The following GSDMC variants were observed in gnomAD, a reference collection of about 807,000 sequenced individuals.
GSDMC encodes gasdermin C.
In GSDMC, 59 loss-of-function variants were observed where a neutral mutation model predicts 58.0. The observed-to-expected ratio is 1.02, with a 90% CI of 0.82 to 1.26. The LOEUF (loss-of-function observed/expected upper bound fraction) is 1.26, where lower values mean the gene tolerates loss of function less well. Ranked by LOEUF, GSDMC falls within the 50% of genes most tolerant of loss-of-function variation. GSDMC has a pLI of 0.00. For missense variants in GSDMC, 659 were observed against 598.5 expected, an observed-to-expected ratio of 1.10 and a Z score of -1.06; for synonymous variants, 241 against 220.2, an observed-to-expected ratio of 1.09 and a Z score of -0.83.
At chr8:129,742,761 A>G in the GSDMC span, among the ~76,000 whole-genome samples, 2 of 152,288 alleles carry the variant, frequency 1.3e-5, no homozygotes, top group Non-Finnish European at 2.9e-5. Flanking sequence ...ACTGCTGTCC[A>G]ATTACTTGAA....
At chr8:129,713,372 A>G in the GSDMC span, among the ~76,000 whole-genome samples, 3 of 149,838 alleles carry the variant, frequency 2.0e-5, no homozygotes, top group Non-Finnish European at 2.9e-5. Flanking sequence ...AGGAAGGGAC[A>G]GTCCCAGCCA....
At chr8:129,737,550 CT>C in the GSDMC span, among the ~76,000 whole-genome samples, 1 of 152,198 alleles carries the variant, frequency 6.6e-6, no homozygotes, top group South Asian at 2.1e-4. Flanking sequence ...AAAGAATTCT[CT>C]ATTTAATAAA....
At chr8:129,762,890 A>G (rs755851725) in intron 4 of GSDMC, among the ~76,000 whole-genome samples, 159 bp from the exon 5 acceptor site, 1 of 151,930 alleles carries the variant, frequency 6.6e-6, no homozygotes, top group East Asian at 1.9e-4. Flanking sequence ...TCCTTATTTC[A>G]TCCTGTGCTC....
the GSDMC span, among the ~76,000 whole-genome samples, chr8:129,715,361 T>C: frequency 1.3e-5 from 2 of 152,110 alleles, no homozygotes; most frequent in African/African-American, 4.8e-5. Context: ...GACTCTGTAA[T>C]ATAGGAACAC....
chr8:129,758,067 C>A (rs928505015), intron 6 of GSDMC, among the ~76,000 whole-genome samples: 13 of 152,096 alleles, frequency 8.5e-5, no homozygotes, highest in African/African-American at 3.1e-4. Flanking sequence ...TCAACATACA[C>A]AAATCAATCA....
chr8:129,760,424 A>T, intron 6 of GSDMC, 121 bp downstream of exon 6: 1 of 552,746 alleles, frequency 1.8e-6, no homozygotes, highest in Non-Finnish European at 3.2e-6. Flanking sequence ...TCCATTTTCC[A>T]TTATGTGATT....
chr8:129,739,121 C>A, the GSDMC span, among the ~76,000 whole-genome samples: 1 of 152,022 alleles, frequency 6.6e-6, no homozygotes, highest in Non-Finnish European at 1.5e-5. Flanking sequence ...TGCTGAAGAC[C>A]TGAAGGAAGT....
chr8:129,720,621 G>C, the GSDMC span, among the ~76,000 whole-genome samples: 2 of 152,008 alleles, frequency 1.3e-5, no homozygotes, highest in Non-Finnish European at 2.9e-5. Flanking sequence ...ATCTACATTT[G>C]CAATAATGTC....
chr8:129,765,866 TTCTCCCCAA>T, intron 3 of GSDMC, 73 bp from the exon 4 acceptor site: 1 of 1,319,932 alleles, frequency 7.6e-7, no homozygotes, highest in South Asian at 1.3e-5. Context: ...CTGGGTGCCC[TTCTCCCCAA>T]GACCTGGGAG....
the GSDMC span, among the ~76,000 whole-genome samples, chr8:129,709,936 T>C: frequency 6.6e-6 from 1 of 152,342 alleles, no homozygotes; most frequent in South Asian, 2.1e-4. Flanking sequence ...TCTTTGATCA[T>C]CTCATCTAAG....
chr8:129,776,612 C>A (rs1369664094), intron 2 of GSDMC, among the ~76,000 whole-genome samples: 1 of 152,218 alleles, frequency 6.6e-6, no homozygotes, highest in African/African-American at 2.4e-5. Context: ...GCAGGCACAG[C>A]ACCCAGCAGC....
At chr8:129,766,852 G>A (rs1204864612) in intron 3 of GSDMC, among the ~76,000 whole-genome samples, 1 of 152,052 alleles carries the variant, frequency 6.6e-6, no homozygotes, top group Non-Finnish European at 1.5e-5. Flanking sequence ...GCGCATCCTA[G>A]GAGGTCCAGC....
chr8:129,752,133 G>T lies in GSDMC; in HGVS notation c.859C>A (p.Gln287Lys). ...MKLKPELFLT[Q>K]QFLSGHLPKY... ...GGCAAATGCCCGCTCAAAAATTGCTGTGTCAGAAATAGCTCTGGAAAGAGA... is the reference window on the plus strand; with the variant it reads ...GGCAAATGCCCGCTCAAAAATTGCTTTGTCAGAAATAGCTCTGGAAAGAGA... Residue 287 changes from glutamine to lysine, a missense_variant, in exon 8 of 14, where the codon CAG (glutamine) becomes AAG (lysine). By Grantham distance (53) the Gln-to-Lys change is moderately conservative. Coordinates refer to ENST00000276708, the MANE Select transcript of GSDMC (RefSeq NM_031415.3). 6.2e-7 allele frequency: 1 copy of T among 1,613,106 alleles called. No individual in the cohort carries two copies. Among genetic ancestry groups the T allele is most frequent in the Non-Finnish European group, 8.5e-7 (1 of 1,179,098 alleles).
chr8:129,728,813 C>T, the GSDMC span: 34 of 551,150 alleles, frequency 6.2e-5, no homozygotes, highest in Non-Finnish European at 9.0e-5. Flanking sequence ...TTGGCCCAGG[C>T]GGACGGACCC....
the GSDMC span, among the ~76,000 whole-genome samples, chr8:129,738,923 C>T: frequency 6.6e-6 from 1 of 151,996 alleles, no homozygotes; most frequent in Non-Finnish European, 1.5e-5. Flanking sequence ...TAAGGCATTT[C>T]AAAATAAAAC....
intron 6 of GSDMC, 115 bp from the exon 7 acceptor site, chr8:129,752,935 G>A (rs771223125): frequency 5.9e-6 from 9 of 1,513,962 alleles, no homozygotes; most frequent in Middle Eastern, 2.2e-4. Flanking sequence ...TGCACGAAGG[G>A]AGCATTTGAA....
chr8:129,727,023 C>CATACACACACAT, the GSDMC span, among the ~76,000 whole-genome samples: 157 of 150,324 alleles, frequency 1.0e-3, 1 homozygote, highest in Non-Finnish European at 1.9e-3. Context: ...CACACACACA[C>CATACACACACAT]ACCTATTCAC....
the GSDMC span, among the ~76,000 whole-genome samples, chr8:129,739,933 A>G: frequency 6.6e-6 from 1 of 152,156 alleles, no homozygotes; most frequent in Non-Finnish European, 1.5e-5. Flanking sequence ...GTCCCTGAAG[A>G]CCTTCCAGTG....
chr8:129,770,422 G>A (rs1215071169), intron 3 of GSDMC, among the ~76,000 whole-genome samples: 1 of 152,166 alleles, frequency 6.6e-6, no homozygotes, highest in Non-Finnish European at 1.5e-5. Context: ...CTTAAACCTA[G>A]GAGGCAGAGG....
Sources: gnomAD v4.1 joint callset for allele counts (sites outside exome capture counted in the v4.1 genomes callset) on GRCh38, gnomAD v4.1.1 for gene constraint, MANE v1.5 for transcripts, NCBI Gene and HGNC (gene_info 2026-07-23, HGNC 2026-07-21) for gene names.